Variants in TENM4 observed in about 807,000 individuals in gnomAD.
TENM4 encodes teneurin-4.
TENM4 carries 82 observed loss-of-function variants against 243.3 expected under a neutral mutation model. The observed-to-expected ratio is 0.34, with a 90% confidence interval of 0.28 to 0.40. The LOEUF is 0.40. Among genes scored for constraint, TENM4 ranks in the 10% least tolerant of loss-of-function variants. The pLI is 1.00. For missense variants in TENM4, 3,138 were observed against 3,673.3 expected, an observed-to-expected ratio of 0.85 and a Z score of 3.77; for synonymous variants, 1,412 against 1,456.3, an observed-to-expected ratio of 0.97 and a Z score of 0.69.
At position 78,722,879 on chromosome 11, in the gene TENM4, A is replaced by G. The variant is rs746453335; in HGVS notation, c.3589T>C (p.Ser1197Pro). Reference sequence around the variant, plus strand: ...CTCCCAATGACAGGAGGCTGCTGAGACACAAACTGGTTCTCCCCATTCCCT... The same window carrying G: ...CTCCCAATGACAGGAGGCTGCTGAGGCACAAACTGGTTCTCCCCATTCCCT... ...HKGNGENQFV[S>P]QQPPVIGSIM... Residue 1197 changes from serine to proline, a missense_variant, in exon 24 of 34, where the codon TCT (serine) becomes CCT (proline). Coordinates refer to ENST00000278550, the MANE Select transcript of TENM4 (RefSeq NM_001098816.3). The G allele has an allele frequency of 1.2e-6, 2 of 1,614,046 alleles. No homozygotes were observed. The highest frequency in any genetic ancestry group is 3.3e-5 in the Admixed American group (2 of 60,024).
chr11:79,315,977 C>G (rs2135420606), intron 1 of TENM4, among the ~76,000 whole-genome samples: 1 of 152,226 alleles, frequency 6.6e-6, no homozygotes, highest in South Asian at 2.1e-4. Context: ...ACTTTTGCAC[C>G]AACCTAATAG....
At chr11:79,123,595 G>GC (rs1445176914) in intron 4 of TENM4, among the ~76,000 whole-genome samples, 9,405 of 119,010 alleles carry the variant, frequency 0.079, 1,034 homozygotes, top group African/African-American at 0.27. Flanking sequence ...AAACGCAGTA[G>GC]CCCCTTTTTT....
chr11:79,164,957 ATGTGTGTGTGTGTG>A (rs369197845), intron 3 of TENM4, among the ~76,000 whole-genome samples: 8 of 139,932 alleles, frequency 5.7e-5, no homozygotes, highest in Admixed American at 7.3e-5. Context: ...CTATATATAT[ATGTGTGTGTGTGTG>A]TGTGTGTGTG....
At chr11:78,818,385 G>C (rs1857654389) in intron 12 of TENM4, among the ~76,000 whole-genome samples, 1 of 152,224 alleles carries the variant, frequency 6.6e-6, no homozygotes, top group Non-Finnish European at 1.5e-5. Context: ...CTGTGACTGA[G>C]TGTAGTGTTG....
intron 3 of TENM4, among the ~76,000 whole-genome samples, chr11:79,168,061 T>C (rs981958880): frequency 7.2e-5 from 11 of 152,310 alleles, no homozygotes; most frequent in African/African-American, 2.6e-4. Flanking sequence ...TAGATCATTG[T>C]CTTGTGCCTG....
chr11:79,037,885 A>G (rs577271207), intron 6 of TENM4, among the ~76,000 whole-genome samples: 1 of 152,330 alleles, frequency 6.6e-6, no homozygotes, highest in South Asian at 2.1e-4. Flanking sequence ...TTCCCTAATC[A>G]AATCAGAATC....
At chr11:79,397,376 T>G (rs959634901) in intron 1 of TENM4, among the ~76,000 whole-genome samples, 3 of 152,174 alleles carry the variant, frequency 2.0e-5, no homozygotes, top group African/African-American at 7.2e-5. Flanking sequence ...GGAAAACCAG[T>G]AAGCCACAGA....
At chr11:79,307,187 A>C (rs1311395938) in intron 1 of TENM4, among the ~76,000 whole-genome samples, 1 of 152,166 alleles carries the variant, frequency 6.6e-6, no homozygotes. Context: ...GGAGGCTCAG[A>C]GAGGCAATGT....
At chr11:79,394,894 G>A (rs912898510) in intron 1 of TENM4, among the ~76,000 whole-genome samples, 3 of 152,148 alleles carry the variant, frequency 2.0e-5, no homozygotes, top group Non-Finnish European at 4.4e-5. Context: ...TCAGCTGCAA[G>A]CCAAGGAGCA....
At chr11:79,265,202 C>T (rs1565275133) in intron 2 of TENM4, among the ~76,000 whole-genome samples, 1 of 152,174 alleles carries the variant, frequency 6.6e-6, no homozygotes, top group Non-Finnish European at 1.5e-5. Flanking sequence ...TCCCTGGTGA[C>T]ACAGGCCATT....
intron 3 of TENM4, among the ~76,000 whole-genome samples, chr11:79,203,431 C>G (rs185139915): frequency 1.1e-3 from 164 of 152,302 alleles, no homozygotes; most frequent in Non-Finnish European, 1.9e-3. Context: ...GTAGTTTTCT[C>G]CCTTTATCCA....
chr11:78,779,036 A>G (rs950924667), intron 16 of TENM4, among the ~76,000 whole-genome samples: 1 of 152,248 alleles, frequency 6.6e-6, no homozygotes, highest in Non-Finnish European at 1.5e-5. Flanking sequence ...ACCTCCCTAC[A>G]GGTGAAGCAG....
In TENM4 at chr11:78,705,496, C is replaced by T. The variant is rs181753280; in HGVS notation, c.4209+2865G>A. On this transcript the variant is annotated intron_variant, in intron 27 of 33. Coordinates refer to ENST00000278550, the MANE Select transcript of TENM4 (RefSeq NM_001098816.3). Reference sequence around the variant, plus strand: ...GTTTCACCACCCTATTAGCGATGATCGTGCTGAGACTTGATTTCCCATCCC... The same window carrying T: ...GTTTCACCACCCTATTAGCGATGATTGTGCTGAGACTTGATTTCCCATCCC... Among the ~76,000 whole-genome samples, 259 of 152,274 alleles carry T rather than the reference C, an allele frequency of 1.7e-3. 2 individuals carry two copies. Among genetic ancestry groups the T allele is most frequent in the Non-Finnish European group, 3.0e-3 (203 of 68,018 alleles).
chr11:78,899,558 GC>G (rs1336640067), intron 7 of TENM4, among the ~76,000 whole-genome samples: 3 of 99,956 alleles, frequency 3.0e-5, no homozygotes, highest in African/African-American at 9.8e-5. Flanking sequence ...GTCTCAAAAA[GC>G]GGGGGGGGGG....
At chr11:79,242,733 A>G (rs185931840) in intron 2 of TENM4, among the ~76,000 whole-genome samples, 227 of 152,346 alleles carry the variant, frequency 1.5e-3, no homozygotes, top group African/African-American at 4.8e-3. Context: ...ACTCACATAA[A>G]TAAAGCTATA....
intron 6 of TENM4, among the ~76,000 whole-genome samples, chr11:78,995,690 C>T (rs1333187715): frequency 1.3e-5 from 2 of 149,958 alleles, no homozygotes; most frequent in East Asian, 3.9e-4. Context: ...TTGAACATCA[C>T]TGCTTTTTTT....
At chr11:79,322,537 A>C (rs1199381509) in intron 1 of TENM4, among the ~76,000 whole-genome samples, 2 of 152,152 alleles carry the variant, frequency 1.3e-5, no homozygotes, top group Non-Finnish European at 2.9e-5. Flanking sequence ...CTCTAGTGCC[A>C]AGAAAAGAGA....
chr11:79,051,278 C>A (rs76748981), intron 6 of TENM4, among the ~76,000 whole-genome samples: 1 of 152,102 alleles, frequency 6.6e-6, no homozygotes, highest in African/African-American at 2.4e-5. Context: ...CCCCATTTTA[C>A]GGGTGAGAAG....
intron 12 of TENM4, among the ~76,000 whole-genome samples, chr11:78,827,519 T>A (rs1857882711): frequency 2.6e-5 from 4 of 152,050 alleles, no homozygotes. Context: ...GATGGAGTTT[T>A]GCTCTTGTTG....
Sources: allele counts gnomAD v4.1 joint callset (sites outside exome capture counted in the v4.1 genomes callset), GRCh38; gene constraint gnomAD v4.1.1; transcripts MANE v1.5; gene names NCBI Gene and HGNC (gene_info 2026-07-23, HGNC 2026-07-21).